VAT1L: variants seen among roughly 807,000 people sequenced by gnomAD.
VAT1L encodes the protein putative NADPH-dependent quinone oxidoreductase VAT1L.
In VAT1L, 34 loss-of-function variants were observed where a neutral mutation model predicts 44.1. That is an observed-to-expected ratio of 0.77 (90% confidence interval 0.59 to 1.03). The LOEUF is 1.03. Ranked by LOEUF, VAT1L falls within the 50% of genes least tolerant of loss-of-function variation. The probability of loss-of-function intolerance (pLI) is 0.00; values close to 1 mark genes in which losing one functional copy is unlikely to be tolerated. For missense variants in VAT1L, 615 were observed against 538.8 expected (o/e 1.14, Z -1.40); for synonymous variants, 253 against 202.2 (o/e 1.25, Z -2.13).
At chr16:77,832,965 C>T (rs567706857) in intron 3 of VAT1L, among the ~76,000 whole-genome samples, 44 of 152,248 alleles carry the variant, frequency 2.9e-4, no homozygotes, top group Admixed American at 2.4e-3. Flanking sequence ...ACAGCATCAC[C>T]GCAGGAGTAT....
chr16:77,801,940 G>T (rs147474707), intron 1 of VAT1L, among the ~76,000 whole-genome samples: 467 of 152,190 alleles, frequency 3.1e-3, no homozygotes, highest in African/African-American at 0.011. Context: ...ACGTTTTGCA[G>T]CCGGAATCGA....
intron 1 of VAT1L, among the ~76,000 whole-genome samples, chr16:77,804,806 A>G (rs1275304380): frequency 2.0e-5 from 3 of 152,152 alleles, no homozygotes; most frequent in African/African-American, 7.2e-5. Flanking sequence ...GCCATGTACA[A>G]ATTTAGCAAG....
chr16:77,970,839 C>A (rs1345365624), intron 7 of VAT1L, among the ~76,000 whole-genome samples: 1 of 152,212 alleles, frequency 6.6e-6, no homozygotes, highest in Non-Finnish European at 1.5e-5. Flanking sequence ...CTCTATCAAT[C>A]AGCCACAGGG....
intron 3 of VAT1L, among the ~76,000 whole-genome samples, chr16:77,838,543 C>T (rs912177302): frequency 2.6e-5 from 4 of 152,074 alleles, no homozygotes; most frequent in Admixed American, 6.6e-5. Flanking sequence ...TCCGACTCCA[C>T]GACAGGATAG....
intron 1 of VAT1L, among the ~76,000 whole-genome samples, chr16:77,804,528 G>C (rs1345013133): frequency 6.6e-6 from 1 of 152,148 alleles, no homozygotes; most frequent in Non-Finnish European, 1.5e-5. Context: ...TCTTTTCCCA[G>C]ACACGGTAGA....
chr16:77,922,540 G>C (rs867628629), intron 7 of VAT1L, among the ~76,000 whole-genome samples: 1 of 152,166 alleles, frequency 6.6e-6, no homozygotes, highest in African/African-American at 2.4e-5. Flanking sequence ...GCTTGTCACA[G>C]CTGGGCATGT....
chr16:77,817,087 T>C, intron 2 of VAT1L, 37 bp downstream of exon 2: 2 of 1,595,026 alleles, frequency 1.3e-6, no homozygotes, highest in Admixed American at 1.8e-5. Context: ...TAATATTCAT[T>C]TGGAATCCAT....
intron 2 of VAT1L, among the ~76,000 whole-genome samples, chr16:77,819,233 C>T (rs533235933): frequency 2.0e-5 from 3 of 152,282 alleles, no homozygotes; most frequent in East Asian, 3.9e-4. Context: ...GTTCATTACA[C>T]TCTGTGCTGA....
intron 3 of VAT1L, among the ~76,000 whole-genome samples, chr16:77,848,520 T>A (rs1263849871): frequency 6.6e-6 from 1 of 152,156 alleles, no homozygotes; most frequent in South Asian, 2.1e-4. Flanking sequence ...TAATATTAGC[T>A]GGTACCAGGC....
chr16:77,789,289 C>G (rs2145198948), intron 1 of VAT1L, among the ~76,000 whole-genome samples: 1 of 152,268 alleles, frequency 6.6e-6, no homozygotes, highest in Middle Eastern at 3.4e-3. Context: ...GAACCGCAAG[C>G]CCACTGTGTG....
chr16:77,938,221 A>G (rs557736894), intron 7 of VAT1L, among the ~76,000 whole-genome samples: 1 of 152,302 alleles, frequency 6.6e-6, no homozygotes, highest in Non-Finnish European at 1.5e-5. Context: ...TGAACTGGAA[A>G]CCACTCTTCT....
At chr16:77,976,652 C>A (rs747996836) in intron 8 of VAT1L, among the ~76,000 whole-genome samples, 2 of 152,166 alleles carry the variant, frequency 1.3e-5, no homozygotes, top group Non-Finnish European at 2.9e-5. Context: ...ATGGACAGAA[C>A]TAGTTTGTTC....
chr16:77,919,754 A>G (rs1486080174), intron 7 of VAT1L, among the ~76,000 whole-genome samples: 4 of 152,176 alleles, frequency 2.6e-5, no homozygotes, highest in African/African-American at 9.7e-5. Context: ...AGAGATACCT[A>G]TTACTATTAA....
intron 7 of VAT1L, among the ~76,000 whole-genome samples, chr16:77,954,362 C>T (rs992226962): frequency 3.9e-5 from 6 of 152,196 alleles, no homozygotes; most frequent in African/African-American, 1.2e-4. Flanking sequence ...CGCGGTGGCT[C>T]ACGCCTGTAA....
intron 3 of VAT1L, among the ~76,000 whole-genome samples, chr16:77,860,816 C>G (rs8057480): frequency 0.015 from 2,267 of 152,230 alleles, 34 homozygotes; most frequent in African/African-American, 0.043. Flanking sequence ...AGGTTCATGC[C>G]CATATTCTGA....
chr16:77,918,967 C>G (rs2017581464), intron 7 of VAT1L, among the ~76,000 whole-genome samples: 2 of 152,106 alleles, frequency 1.3e-5, no homozygotes, highest in Admixed American at 6.5e-5. Context: ...ATCCATCATT[C>G]CTTCCTATCT....
At chr16:77,955,054 A>G (rs888566698) in intron 7 of VAT1L, among the ~76,000 whole-genome samples, 1 of 152,182 alleles carries the variant, frequency 6.6e-6, no homozygotes, top group Non-Finnish European at 1.5e-5. Flanking sequence ...ATGAGCGCCT[A>G]TTGAGCTGTG....
chr16:77,901,584 C>A (rs7189833), intron 7 of VAT1L, among the ~76,000 whole-genome samples: 118,067 of 152,040 alleles, frequency 0.78, 46,161 homozygotes, highest in South Asian at 0.88. Context: ...TTAGTCTCCT[C>A]TCAGAGCAGG....
intron 4 of VAT1L, among the ~76,000 whole-genome samples, chr16:77,866,958 T>G (rs1005501020): frequency 2.6e-5 from 4 of 151,884 alleles, no homozygotes; most frequent in African/African-American, 7.3e-5. Flanking sequence ...TTTCAGTAGG[T>G]GGAGGGGGAA....
Sources: allele counts gnomAD v4.1 joint callset (sites outside exome capture counted in the v4.1 genomes callset), GRCh38; gene constraint gnomAD v4.1.1; transcripts MANE v1.5; gene names NCBI Gene and HGNC (gene_info 2026-07-23, HGNC 2026-07-21).